PARD3B: variants seen among roughly 807,000 people sequenced by gnomAD.
The protein encoded by PARD3B is partitioning defective 3 homolog B.
Under a neutral mutation model 130.2 loss-of-function variants are expected in PARD3B, and 103 were observed. The ratio of observed to expected loss-of-function variants is 0.79; its 90% CI spans 0.67 to 0.93. The LOEUF is 0.93. Among genes scored for constraint, PARD3B ranks in the 40% least tolerant of loss-of-function variants. PARD3B has a pLI of 0.00. For missense variants in PARD3B, 1,609 were observed against 1,499.2 expected (o/e 1.07, Z -1.21); for synonymous variants, 583 against 553.2 (o/e 1.05, Z -0.76).
chr2:205,448,428 C>A (rs531003105), intron 20 of PARD3B, among the ~76,000 whole-genome samples: 10 of 152,150 alleles, frequency 6.6e-5, no homozygotes, highest in Non-Finnish European at 1.5e-4. Flanking sequence ...ACTTAAGTTG[C>A]TATCAAACAA....
chr2:204,813,607 G>T (rs897560795), intron 2 of PARD3B, among the ~76,000 whole-genome samples: 1 of 151,930 alleles, frequency 6.6e-6, no homozygotes, highest in African/African-American at 2.4e-5. Context: ...GTTTGCAAAG[G>T]TTTTCTACTA....
chr2:204,983,511 A>C (rs1312410905), intron 3 of PARD3B, among the ~76,000 whole-genome samples: 1 of 152,186 alleles, frequency 6.6e-6, no homozygotes, highest in Non-Finnish European at 1.5e-5. Flanking sequence ...AATTAAGAGG[A>C]AACAGTTCAG....
At chr2:205,439,180 G>A (rs2047625180) in intron 19 of PARD3B, among the ~76,000 whole-genome samples, 1 of 152,060 alleles carries the variant, frequency 6.6e-6, no homozygotes, top group Non-Finnish European at 1.5e-5. Context: ...ATACTGATGG[G>A]TTTCAGTTGT....
chr2:204,866,437 C>G (rs1390631692), intron 2 of PARD3B, among the ~76,000 whole-genome samples: 1 of 151,972 alleles, frequency 6.6e-6, no homozygotes, highest in Non-Finnish European at 1.5e-5. Context: ...ATTTCTCAAG[C>G]CATGTTTACA....
intron 2 of PARD3B, among the ~76,000 whole-genome samples, chr2:204,801,678 C>T (rs1429330425): frequency 6.6e-6 from 1 of 152,172 alleles, no homozygotes; most frequent in Non-Finnish European, 1.5e-5. Context: ...TCCTCTCTTC[C>T]TATTTGAATA....
intron 2 of PARD3B, among the ~76,000 whole-genome samples, chr2:204,944,597 C>T (rs1407976129): frequency 1.3e-5 from 2 of 152,212 alleles, no homozygotes; most frequent in Non-Finnish European, 2.9e-5. Context: ...ATCAGCTAAT[C>T]AACTATTTTA....
At chr2:204,752,947 G>A (rs16836564) in intron 2 of PARD3B, among the ~76,000 whole-genome samples, 1,703 of 152,230 alleles carry the variant, frequency 0.011, 11 homozygotes, top group Middle Eastern at 0.041. Flanking sequence ...TGTGACACTG[G>A]TTTAAAGAGC....
chr2:205,565,294 A>G (rs2053281472), intron 22 of PARD3B, among the ~76,000 whole-genome samples: 1 of 152,194 alleles, frequency 6.6e-6, no homozygotes, highest in South Asian at 2.1e-4. Context: ...GCCACAGTGA[A>G]GTTTTTTTCC....
At chr2:204,843,292 A>G (rs759602734) in intron 2 of PARD3B, among the ~76,000 whole-genome samples, 5 of 152,130 alleles carry the variant, frequency 3.3e-5, no homozygotes, top group African/African-American at 4.8e-5. Context: ...TTGACATTCA[A>G]TCTTCCATCC....
intron 1 of PARD3B, among the ~76,000 whole-genome samples, chr2:204,593,910 C>T (rs1559174461): frequency 6.6e-6 from 1 of 152,292 alleles, no homozygotes; most frequent in East Asian, 1.9e-4. Context: ...AACAACCTTA[C>T]TGAAAATGTA....
chr2:204,926,288 C>G (rs1416231058), intron 2 of PARD3B, among the ~76,000 whole-genome samples: 1 of 152,126 alleles, frequency 6.6e-6, no homozygotes, highest in African/African-American at 2.4e-5. Context: ...ACTCTGTTAT[C>G]TCTTGATCTT....
chr2:205,369,079 A>C (rs188791263), intron 18 of PARD3B, among the ~76,000 whole-genome samples: 5 of 152,282 alleles, frequency 3.3e-5, no homozygotes, highest in African/African-American at 1.2e-4. Flanking sequence ...AGCTTTACCT[A>C]CTGAACACTT....
chr2:205,591,842 G>T lies in PARD3B; in HGVS notation c.3261-23614G>T, dbSNP rs2054396371. Among the ~76,000 whole-genome samples the T allele has an allele frequency of 6.6e-6, 1 of 152,184 alleles. No homozygotes were observed. Among genetic ancestry groups the T allele is most frequent in the South Asian group, 2.1e-4 (1 of 4,820 alleles). ...GGATAAAAATTCAATGTCCTCACAG[G>T]CAGAGGAGAGCAAAGCCTGAGAAAG... On this transcript the variant is annotated intron_variant, in intron 22 of 22. Transcript: ENST00000406610. This position sits in a 1 kb window ranked among gnomAD's most constrained non-coding sequence, Gnocchi z 4.2.
chr2:205,383,134 A>ATC (rs2045536785), intron 18 of PARD3B, among the ~76,000 whole-genome samples: 1 of 139,210 alleles, frequency 7.2e-6, no homozygotes, highest in African/African-American at 2.9e-5. Context: ...ATAGATAGAT[A>ATC]GATAGATCGA....
At chr2:204,666,988 A>G (rs1232025903) in intron 1 of PARD3B, among the ~76,000 whole-genome samples, 2 of 152,180 alleles carry the variant, frequency 1.3e-5, no homozygotes, top group African/African-American at 2.4e-5. Flanking sequence ...TTGACAAAGG[A>G]AACTGAGAAC....
chr2:205,222,180 A>T lies in PARD3B; in HGVS notation c.2141-23598A>T, dbSNP rs79721115. Among the ~76,000 whole-genome samples the T allele has an allele frequency of 4.2e-3, 52 of 12,436 alleles. 1 individual carries two copies. In the East Asian group the frequency reaches 0.073, roughly 17 times the overall value. The allele number at this position is 12,436 out of a possible 152,430, so 8.2% of individuals were successfully genotyped here. On this transcript the variant is annotated intron_variant, in intron 15 of 22. Transcript: ENST00000406610. ...AATGAACTATTAGACCTTCCAATAT[A>T]AAAAAAAAAAAAGAAACACATATGC...
rs1242871880 is a variant in PARD3B, at chr2:205,591,684, T to C, written c.3261-23772T>C. 6.6e-6 allele frequency among the ~76,000 whole-genome samples: 1 copy of C among 152,164 alleles called. No homozygotes were observed. The highest frequency in any genetic ancestry group is 1.5e-5 in the Non-Finnish European group (1 of 68,032). Reference sequence around the variant, plus strand: ...CAAGATCTGTGTTGATGGACAGGATTGCTGAGCTCAAGGTTGGCTGGAACC... The same window carrying C: ...CAAGATCTGTGTTGATGGACAGGATCGCTGAGCTCAAGGTTGGCTGGAACC... On this transcript the variant is annotated intron_variant, in intron 22 of 22. Transcript: ENST00000406610. This position sits in a 1 kb window ranked among gnomAD's most constrained non-coding sequence, Gnocchi z 4.2.
chr2:204,557,482 C>T (rs957382395), intron 1 of PARD3B, among the ~76,000 whole-genome samples: 3 of 152,162 alleles, frequency 2.0e-5, no homozygotes, highest in Non-Finnish European at 4.4e-5. Context: ...ATCGTCTCTA[C>T]ATCCCAAGAA....
intron 3 of PARD3B, among the ~76,000 whole-genome samples, chr2:205,041,910 C>G (rs1300505682): frequency 6.6e-6 from 1 of 152,004 alleles, no homozygotes; most frequent in Non-Finnish European, 1.5e-5. Context: ...TTCAAAACCC[C>G]CAAACATATT....
Sources: gnomAD v4.1 joint callset for allele counts (sites outside exome capture counted in the v4.1 genomes callset) on GRCh38, gnomAD v4.1.1 for gene constraint, Gnocchi (gnomAD v3.1) non-coding constraint, MANE v1.5 for transcripts, NCBI Gene and HGNC (gene_info 2026-07-23, HGNC 2026-07-21) for gene names.